Variants in CTCF observed in about 807,000 individuals in gnomAD.
The protein encoded by CTCF is transcriptional repressor CTCF.
A neutral mutation model predicts 72.3 loss-of-function variants in CTCF; 7 were observed. The observed-to-expected ratio is 0.10, with a 90% CI of 0.06 to 0.18. CTCF has a LOEUF of 0.18. Ranked by LOEUF, CTCF falls within the 10% of genes least tolerant of loss-of-function variation. The probability of loss-of-function intolerance (pLI) is 1.00; values close to 1 mark genes in which losing one functional copy is unlikely to be tolerated. For synonymous variants in CTCF, 374 were observed against 315.8 expected (o/e 1.18, Z -1.95); for missense variants, 516 against 949.1 (o/e 0.54, Z 6.00).
At chr16:67,602,729 T>C (rs923595044) in intron 2 of CTCF, among the ~76,000 whole-genome samples, 1 of 151,186 alleles carries the variant, frequency 6.6e-6, no homozygotes, top group East Asian at 2.0e-4. Flanking sequence ...TAATCCCAGC[T>C]ACTCGGGAGG....
intron 2 of CTCF, among the ~76,000 whole-genome samples, chr16:67,590,129 T>A (rs1007201596): frequency 8.0e-5 from 12 of 150,648 alleles, no homozygotes; most frequent in South Asian, 2.1e-4. Context: ...TTTTTTTTTT[T>A]AAAGAAGAGA....
At chr16:67,626,409 C>T (rs1484634857) in intron 7 of CTCF, 146 bp from the exon 8 acceptor site, 13 of 450,864 alleles carry the variant, frequency 2.9e-5, no homozygotes, top group East Asian at 7.6e-5. Flanking sequence ...GCTGAGATTG[C>T]GCCACTGCAC....
intron 2 of CTCF, among the ~76,000 whole-genome samples, chr16:67,590,412 CTT>C (rs959410512): frequency 6.6e-6 from 1 of 151,030 alleles, no homozygotes; most frequent in Non-Finnish European, 1.5e-5. Context: ...ATGCTCTTAA[CTT>C]TTTTTTTAAC....
chr16:67,624,067 ATATATGTGTGTG>A (rs1162505572), intron 7 of CTCF, among the ~76,000 whole-genome samples: 1 of 96,352 alleles, frequency 1.0e-5, no homozygotes, highest in Admixed American at 1.1e-4. Context: ...AAAAAAAATT[ATATATGTGTGTG>A]TGTGTGTGTG....
chr16:67,597,002 T>C (rs1191907124), intron 2 of CTCF, among the ~76,000 whole-genome samples: 1 of 152,168 alleles, frequency 6.6e-6, no homozygotes, highest in Non-Finnish European at 1.5e-5. Context: ...GCTGTTCACC[T>C]TTTTCTTTTT....
rs2142862490 is a variant in CTCF at position 67,626,605 on chromosome 16, C to T, written c.1408C>T (p.Arg470Cys). The T allele has an allele frequency of 6.4e-7, 1 of 1,565,812 alleles. No homozygotes were observed. Residue 470 changes from arginine to cysteine, a missense_variant, in exon 8 of 12, where the codon CGT (arginine) becomes TGT (cysteine). Physicochemically the swap from Arg to Cys is radical, Grantham distance 180. This residue lies in a region of CTCF where 81 missense variants were observed against 184.3 expected (regional missense o/e 0.44). Transcript: ENST00000264010. ...CTATATTGAGCAAGGCAAGAAATGC[C>T]GTTACTGTGATGCTGTGTTTCATGA... ...HSYIEQGKKC[R>C]YCDAVFHERY...
In CTCF at chr16:67,596,979, T is replaced by C. The variant is rs137874388; in HGVS notation, c.-9-13845T>C. On this transcript the variant is annotated intron_variant, in intron 2 of 11. Coordinates refer to ENST00000264010, the MANE Select transcript of CTCF (RefSeq NM_006565.4). ...TAGGCTTCTAAGCACAAAGCCTTCC[T>C]CATTTTTAGAAAGCTGTTCACCTTT... 3.3e-3 allele frequency among the ~76,000 whole-genome samples: 496 copies of C among 152,314 alleles called. 6 individuals carry two copies. The highest frequency in any genetic ancestry group is 0.011 in the African/African-American group (464 of 41,580).
At chr16:67,574,777 G>A (rs7189035) in intron 2 of CTCF, among the ~76,000 whole-genome samples, 5,634 of 149,994 alleles carry the variant, frequency 0.038, 349 homozygotes, top group African/African-American at 0.13. Context: ...TCCTGCCTCG[G>A]CCTCCCAAGT....
At chr16:67,592,487 C>T (rs761686086) in intron 2 of CTCF, among the ~76,000 whole-genome samples, 5 of 151,936 alleles carry the variant, frequency 3.3e-5, no homozygotes, top group Non-Finnish European at 5.9e-5. Context: ...GGGAGGATCA[C>T]CAGAGCTCAG....
At chr16:67,597,360 TAC>T (rs1156441371) in intron 2 of CTCF, among the ~76,000 whole-genome samples, 1 of 151,910 alleles carries the variant, frequency 6.6e-6, no homozygotes, top group East Asian at 1.9e-4. Flanking sequence ...TTTATTTTGA[TAC>T]AGAGTCTCGC....
rs533180647 is a variant in CTCF, at chr16:67,600,897, G to A, written c.-9-9927G>A. ...GTGATATAAACTTCATTTTGGTGGC[G>A]ATATTGGTCCACAAAAAATATTTGA... On this transcript the variant is annotated intron_variant, in intron 2 of 11. Coordinates refer to ENST00000264010, the MANE Select transcript of CTCF (RefSeq NM_006565.4). Among the ~76,000 whole-genome samples the A allele has an allele frequency of 2.8e-4, 42 of 152,194 alleles. No homozygotes were observed. The Middle Eastern group carries it at 0.017, about 62-fold the overall frequency.
intron 2 of CTCF, among the ~76,000 whole-genome samples, chr16:67,579,683 A>G (rs1274010629): frequency 6.6e-6 from 1 of 152,130 alleles, no homozygotes. Flanking sequence ...ATGAGCCACC[A>G]CGCCCAGCTT....
At chr16:67,631,197 C>T (rs2052360819) in intron 10 of CTCF, among the ~76,000 whole-genome samples, 1 of 143,930 alleles carries the variant, frequency 6.9e-6, no homozygotes, top group Admixed American at 6.8e-5. Context: ...CAGTGTCTCC[C>T]TCTTGTTGCC....
chr16:67,576,954 G>A (rs151086090), intron 2 of CTCF, among the ~76,000 whole-genome samples: 1 of 152,278 alleles, frequency 6.6e-6, no homozygotes, highest in East Asian at 1.9e-4. Context: ...GTGAGAGTAA[G>A]TATATGTATA....
In CTCF at chr16:67,601,925, C is replaced by T. The variant is rs978196048; in HGVS notation, c.-9-8899C>T. ...GTCACCCAGGCTGGAGTGCAGTGGC[C>T]CAATCTTGGCTCACTGCAGCCTCCG... On this transcript the variant is annotated intron_variant, in intron 2 of 11. Transcript: ENST00000264010. Among the ~76,000 whole-genome samples the T allele has an allele frequency of 3.3e-5, 5 of 150,490 alleles. No individual in the cohort carries two copies. In the South Asian group the frequency reaches 6.3e-4, roughly 19 times the overall value.
chr16:67,604,736 T>G (rs938934679), intron 2 of CTCF, among the ~76,000 whole-genome samples: 1 of 136,440 alleles, frequency 7.3e-6, no homozygotes, highest in African/African-American at 2.9e-5. Context: ...CAGGGTTTTT[T>G]TTTTTTTTGT....
chr16:67,587,896 C>T (rs577989307), intron 2 of CTCF, among the ~76,000 whole-genome samples: 1 of 152,194 alleles, frequency 6.6e-6, no homozygotes, highest in African/African-American at 2.4e-5. Flanking sequence ...GAGACAGAGT[C>T]ACCCAGGCTG....
intron 2 of CTCF, among the ~76,000 whole-genome samples, chr16:67,610,225 G>A (rs1008279060): frequency 2.0e-5 from 3 of 151,970 alleles, no homozygotes; most frequent in African/African-American, 7.2e-5. Context: ...AATCCCTGTA[G>A]TATAATTTAA....
chr16:67,576,730 C>G (rs974860752), intron 2 of CTCF, among the ~76,000 whole-genome samples: 10 of 152,052 alleles, frequency 6.6e-5, no homozygotes, highest in Admixed American at 6.6e-4. Flanking sequence ...TGGGGTTTCA[C>G]CATGTTAGCC....
Sources: gnomAD v4.1 joint callset for allele counts (sites outside exome capture counted in the v4.1 genomes callset) on GRCh38, gnomAD v4.1.1 for gene constraint, gnomAD v4.1.1 regional missense constraint, MANE v1.5 for transcripts, NCBI Gene and HGNC (gene_info 2026-07-23, HGNC 2026-07-21) for gene names.